Variants in ABHD14B observed in about 807,000 individuals in gnomAD.
ABHD14B encodes abhydrolase domain containing 14B.
ABHD14B carries 19 observed loss-of-function variants against 15.4 expected under a neutral mutation model. The observed-to-expected ratio is 1.23, with a 90% CI of 0.86 to 1.81. ABHD14B has a LOEUF of 1.81. Ranked by LOEUF, ABHD14B falls within the 40% of genes most tolerant of loss-of-function variation. ABHD14B has a pLI of 0.00. For missense variants in ABHD14B, 243 were observed against 267.0 expected (o/e 0.91, Z 0.63); for synonymous variants, 92 against 117.3 (o/e 0.78, Z 1.39).
At chr3:51,974,069 G>T, upstream of ABHD14B, 5 of 1,285,884 alleles carry the variant, frequency 3.9e-6, no homozygotes, top group Non-Finnish European at 5.1e-6. Context: ...CATCCAGCGG[G>T]GGCGGGGACT....
At chr3:51,973,508 T>TTTTTTTTTTTC (rs1553723706) in intron 1 of ABHD14B, among the ~76,000 whole-genome samples, 84 of 145,772 alleles carry the variant, frequency 5.8e-4, no homozygotes, top group African/African-American at 2.1e-3. Flanking sequence ...TTCTTCGGTT[T>TTTTTTTTTTTC]TTTTTTTTTT....
At chr3:51,969,757 C>A in intron 3 of ABHD14B, 152 bp from the exon 4 acceptor site, 1 of 1,398,060 alleles carries the variant, frequency 7.2e-7, no homozygotes, top group East Asian at 2.3e-5. Flanking sequence ...TGGTGTCTGC[C>A]CCAGAACACA....
intron 1 of ABHD14B, among the ~76,000 whole-genome samples, chr3:51,972,715 G>T (rs552577138): frequency 5.9e-5 from 9 of 152,162 alleles, no homozygotes; most frequent in Non-Finnish European, 1.2e-4. Flanking sequence ...AATAGTACTA[G>T]CTCATAGGTG....
chr3:51,974,400 T>A (rs2106806018), upstream of ABHD14B: 1 of 263,450 alleles, frequency 3.8e-6, no homozygotes, highest in South Asian at 3.4e-5. Flanking sequence ...AGTGCGAGGC[T>A]CCGCCAGTGT....
chr3:51,973,506 T>G (rs867667016), intron 1 of ABHD14B, among the ~76,000 whole-genome samples: 48 of 122,674 alleles, frequency 3.9e-4, no homozygotes, highest in Non-Finnish European at 6.1e-4. Context: ...TTTTCTTCGG[T>G]TTTTTTTTTT....
chr3:51,969,486 G>T lies in ABHD14B; in HGVS notation c.573C>A (p.Tyr191Ter). The T allele has an allele frequency of 6.2e-7, 1 of 1,613,982 alleles. No individual in the cohort carries two copies. Among genetic ancestry groups the T allele is most frequent in the Non-Finnish European group, 8.5e-7 (1 of 1,179,988 alleles). ...TATGCCACTCCTCTGGTTTGTCCAG[G>T]TAACAGGGGTGCCCCGCCCCCTTCA... is the stretch of plus-strand genomic sequence containing the variant. The part of the protein sequence containing the change: ...LIMKGAGHPC[Y>*]LDKPEEWHTG... The change falls in exon 4 of 4, where the codon TAC (tyrosine) becomes TAA (stop). Residue 191 changes from tyrosine (Y) to a stop codon, truncating the protein, a stop_gained. Coordinates refer to ENST00000361143, the MANE Select transcript of ABHD14B (RefSeq NM_001146314.2). LOFTEE classifies it high-confidence loss of function.
chr3:51,969,866 C>T, intron 3 of ABHD14B, 77 bp downstream of exon 3: 1 of 1,611,824 alleles, frequency 6.2e-7, no homozygotes, highest in Non-Finnish European at 8.5e-7. Flanking sequence ...ATTATCCAGC[C>T]CCCAGATGAG....
rs1291210772 is a variant in ABHD14B at position 51,971,691 on chromosome 3, T to G, written c.-21A>C. On this transcript the variant is annotated 5_prime_UTR_variant, in exon 2 of 4. Coordinates refer to ENST00000361143, the MANE Select transcript of ABHD14B (RefSeq NM_001146314.2). ...GCCATGCCTGCTGCTGCTGTGCTGG[T>G]GAAGGGCCTGTGGTTCAAAACCACG... is the stretch of plus-strand genomic sequence containing the variant. The G allele has an allele frequency of 6.8e-6, 11 of 1,608,236 alleles. No homozygotes were observed. The highest frequency in any genetic ancestry group is 8.5e-6 in the Non-Finnish European group (10 of 1,178,110).
rs779422501 is a variant in ABHD14B at position 51,971,533 on chromosome 3, C to T, written c.138G>A (p.Glu46=). The T allele has an allele frequency of 1.9e-6, 3 of 1,613,450 alleles. No homozygotes were observed. The African/African-American group carries it at 4.0e-5, about 22-fold the overall frequency. Residue 46 remains glutamate, a synonymous_variant, in exon 2 of 4, where the codon GAG becomes GAA. Transcript: ENST00000361143. The part of the protein sequence containing the change: ...LLLHGIRFSS[E]TWQNLGTLHR... ...GCAGTGTACCCAGGTTCTGCCAGGT[C>T]TCGGAGGAGAAGCGAATACCATGCA...
chr3:51,969,105 A>C lies in ABHD14B; in HGVS notation c.*321T>G. Reference sequence around the variant, plus strand: ...GCAGAAGGAGGAGTGGGTGGGAGGGAAAGGCTGGGCAGAGCAGGGGAAGGA... The same window carrying C: ...GCAGAAGGAGGAGTGGGTGGGAGGGCAAGGCTGGGCAGAGCAGGGGAAGGA... On this transcript the variant is annotated 3_prime_UTR_variant, in exon 4 of 4. Transcript: ENST00000361143. The C allele has an allele frequency of 4.3e-6, 1 of 230,914 alleles. No individual in the cohort carries two copies. The highest frequency in any genetic ancestry group is 8.5e-6 in the Non-Finnish European group (1 of 118,200). The allele number at this position is 230,914 out of a possible 1,614,324, so 14.3% of individuals were successfully genotyped here. A position where few individuals can be genotyped will look rare whatever the true frequency, so the allele number is the denominator to read the frequency against.
At chr3:51,973,830 T>C (rs1700715979) in intron 1 of ABHD14B, 135 bp downstream of exon 1, 1 of 1,289,460 alleles carries the variant, frequency 7.8e-7, no homozygotes, top group East Asian at 5.5e-5. Context: ...TCGCTAGCTC[T>C]GGAAGGGAGC....
upstream of ABHD14B, chr3:51,974,489 C>T (rs1387377456): frequency 4.5e-6 from 1 of 220,462 alleles, no homozygotes. Context: ...ATGTTGCCAA[C>T]CTCTGCAGAG....
intron 2 of ABHD14B, 101 bp from the exon 3 acceptor site, chr3:51,970,285 C>T (rs1700631174): frequency 1.4e-6 from 2 of 1,476,602 alleles, no homozygotes; most frequent in Non-Finnish European, 9.0e-7. Flanking sequence ...GTCAGTTTCT[C>T]TGTGGCCAGG....
In ABHD14B at chr3:51,973,993, G is replaced by C. The variant is rs1030038091; in HGVS notation, c.-57C>G. 29 of 1,289,250 alleles carry C rather than the reference G, an allele frequency of 2.2e-5. No individual in the cohort carries two copies. Among genetic ancestry groups the C allele is most frequent in the Non-Finnish European group, 2.7e-5 (27 of 988,856 alleles). 79.9% of individuals were successfully genotyped at this position (1,289,250 alleles called of 1,614,324 possible). A position where few individuals can be genotyped will look rare whatever the true frequency, so the allele number is the denominator to read the frequency against. On this transcript the variant is annotated 5_prime_UTR_variant, in exon 1 of 4. Transcript: ENST00000361143. ...GGGAGCTGCGTGGACTCGCGCAGAC[G>C]GGAAGCAGGCGCGTGCTGGCGGTGA...
intron 1 of ABHD14B, among the ~76,000 whole-genome samples, chr3:51,972,177 C>T (rs1700669183): frequency 2.1e-5 from 3 of 144,342 alleles, no homozygotes; most frequent in Middle Eastern, 7.3e-3. Flanking sequence ...GCAGAGGTTG[C>T]AGTGAGCCGA....
chr3:51,969,579 G>A lies in ABHD14B; in HGVS notation c.480C>T (p.Asp160=). Residue 160 remains aspartate, a synonymous_variant, in exon 4 of 4, where the codon GAC becomes GAT. Transcript: ENST00000361143. ...AGCTGGTCTGACCCATGGGGTCCTG[G>A]TCTCCATATACAATCAGAGCTGGAG... The part of the protein sequence containing the change: ...VKTPALIVYG[D]QDPMGQTSFE... The A allele has an allele frequency of 6.2e-7, 1 of 1,613,634 alleles. No individual in the cohort carries two copies. The highest frequency in any genetic ancestry group is 8.5e-7 in the Non-Finnish European group (1 of 1,179,932).
At chr3:51,971,153 C>T (rs1700645285) in intron 2 of ABHD14B, among the ~76,000 whole-genome samples, 1 of 152,196 alleles carries the variant, frequency 6.6e-6, no homozygotes, top group South Asian at 2.1e-4. Flanking sequence ...TAGAGCGAGC[C>T]CAAAACATGA....
chr3:51,969,253 C>G lies in ABHD14B; in HGVS notation c.*173G>C. The G allele has an allele frequency of 2.9e-6, 2 of 693,498 alleles. No individual in the cohort carries two copies. The highest frequency in any genetic ancestry group is 4.7e-6 in the Non-Finnish European group (2 of 428,824). 43.0% of individuals were successfully genotyped at this position (693,498 alleles called of 1,614,324 possible). A position where few individuals can be genotyped will look rare whatever the true frequency, so the allele number is the denominator to read the frequency against. ...TTGATTTTACCCCCTCAGTCTATCACTGCAAGAGAAAGAGGTAGAAAAGAC... is the reference window on the plus strand; with the variant it reads ...TTGATTTTACCCCCTCAGTCTATCAGTGCAAGAGAAAGAGGTAGAAAAGAC... On this transcript the variant is annotated 3_prime_UTR_variant, in exon 4 of 4. Transcript: ENST00000361143.
chr3:51,969,474 T>C lies in ABHD14B; in HGVS notation c.585A>G (p.Pro195=), dbSNP rs745745778. The change falls in exon 4 of 4, where the codon CCA becomes CCG. Residue 195 remains proline, a synonymous_variant. Coordinates refer to ENST00000361143, the MANE Select transcript of ABHD14B (RefSeq NM_001146314.2). The part of the protein sequence containing the change: ...GAGHPCYLDK[P]EEWHTGLLDF... ...CCAGCAGCCCTGTATGCCACTCCTC[T>C]GGTTTGTCCAGGTAACAGGGGTGCC... is the stretch of plus-strand genomic sequence containing the variant. The C allele has an allele frequency of 1.2e-5, 19 of 1,613,936 alleles. No individual in the cohort carries two copies. In the Admixed American group the frequency reaches 3.2e-4, roughly 27 times the overall value.
Sources: allele counts gnomAD v4.1 joint callset (sites outside exome capture counted in the v4.1 genomes callset), GRCh38; gene constraint gnomAD v4.1.1; transcripts MANE v1.5; gene names NCBI Gene and HGNC (gene_info 2026-07-23, HGNC 2026-07-21).